The following CARHSP1 variants were observed in gnomAD, a reference collection of about 807,000 sequenced individuals.
The protein encoded by CARHSP1 is calcium regulated heat stable protein 1, also known as calcium-regulated heat-stable protein 1.
In CARHSP1, 14 loss-of-function variants were observed where a neutral mutation model predicts 12.5. The ratio of observed to expected loss-of-function variants is 1.12; its 90% CI spans 0.74 to 1.75. CARHSP1 has a LOEUF of 1.75. Among genes scored for constraint, CARHSP1 ranks in the 40% most tolerant of loss-of-function variants. CARHSP1 has a pLI of 0.00. For missense variants in CARHSP1, 343 were observed against 201.6 expected, an observed-to-expected ratio of 1.70 and a Z score of -4.25; for synonymous variants, 161 against 82.0, an observed-to-expected ratio of 1.96 and a Z score of -5.20.
At chr16:8,866,586 G>C (rs767163212) in intron 1 of CARHSP1, 23 of 360,114 alleles carry the variant, frequency 6.4e-5, no homozygotes, top group Admixed American at 1.3e-4. Flanking sequence ...GGAAGCGATA[G>C]AGGCCGAGAA....
intron 1 of CARHSP1, among the ~76,000 whole-genome samples, chr16:8,862,484 A>G (rs2061383717): frequency 1.3e-5 from 2 of 152,204 alleles, no homozygotes; most frequent in African/African-American, 4.8e-5. Context: ...ACTTGAAGCC[A>G]GAGAATAAAC....
At chr16:8,862,811 T>C (rs1439207005) in intron 1 of CARHSP1, among the ~76,000 whole-genome samples, 1 of 151,872 alleles carries the variant, frequency 6.6e-6, no homozygotes, top group Non-Finnish European at 1.5e-5. Flanking sequence ...TCATGCCGCG[T>C]CATCATCATC....
At chr16:8,860,814 GCAGAGGCAGGTGGATCAC>G (rs2061330546) in intron 1 of CARHSP1, among the ~76,000 whole-genome samples, 1 of 151,990 alleles carries the variant, frequency 6.6e-6, no homozygotes, top group African/African-American at 2.4e-5. Flanking sequence ...ACTTTGAGAG[GCAGAGGCAGGTGGATCAC>G]CTGAGGTCAG....
intron 1 of CARHSP1, chr16:8,860,065 G>C: frequency 1.1e-6 from 1 of 879,244 alleles, no homozygotes; most frequent in Non-Finnish European, 1.4e-6. Flanking sequence ...TGACGCTGCT[G>C]GGAGCCAGAC....
chr16:8,861,560 G>A, intron 1 of CARHSP1: 1 of 1,245,592 alleles, frequency 8.0e-7, no homozygotes, highest in Non-Finnish European at 1.1e-6. Flanking sequence ...TCCCTGAAAT[G>A]TCAGAACCCC....
intron 1 of CARHSP1, among the ~76,000 whole-genome samples, chr16:8,866,123 T>C (rs571211511): frequency 6.6e-6 from 1 of 152,206 alleles, no homozygotes; most frequent in Non-Finnish European, 1.5e-5. Context: ...CCAGCTAATT[T>C]TTTTATTTTT....
intron 1 of CARHSP1, among the ~76,000 whole-genome samples, chr16:8,864,224 C>T (rs12595938): frequency 0.13 from 19,665 of 152,198 alleles, 1,356 homozygotes; most frequent in East Asian, 0.2. Flanking sequence ...ACATGGCTGT[C>T]TCTGCATCTG....
At position 8,865,663 on chromosome 16, in the gene CARHSP1, A is replaced by G. The variant is rs147738215; in HGVS notation, c.-8+3303T>C. On this transcript the variant is annotated intron_variant, in intron 1 of 3. Transcript: ENST00000311052. ...GCAGGTGTGGTGGGTAGTGGCCCGC[A>G]CTATGGGGATGGGGCAGGCTGTAGT... is the stretch of plus-strand genomic sequence containing the variant. 1.4e-3 allele frequency among the ~76,000 whole-genome samples: 218 copies of G among 152,242 alleles called. 3 individuals carry two copies. The East Asian group carries it at 0.026, about 18-fold the overall frequency.
At chr16:8,866,715 G>T (rs538995528) in intron 1 of CARHSP1, among the ~76,000 whole-genome samples, 1 of 146,948 alleles carries the variant, frequency 6.8e-6, no homozygotes, top group South Asian at 2.3e-4. Context: ...GGAGGGACAC[G>T]AAGGGATGGG....
intron 1 of CARHSP1, chr16:8,860,233 A>AG (rs2061308837): frequency 1.0e-6 from 1 of 984,806 alleles, no homozygotes; most frequent in Non-Finnish European, 1.2e-6. Context: ...GAGAGCCCAA[A>AG]GGGAAAGGGA....
In CARHSP1 at chr16:8,854,132, C is replaced by G. The variant is rs1240688320; in HGVS notation, c.*1032G>C. ...TGTCGGCAGCAAAGTGCAAACAGAG[C>G]CGGCTCTGGGTGAAAGCTTTAGTTA... On this transcript the variant is annotated 3_prime_UTR_variant, in exon 4 of 4. Transcript: ENST00000311052. 6.6e-6 allele frequency: 1 copy of G among 151,974 alleles called. No homozygotes were observed. The highest frequency in any genetic ancestry group is 1.5e-5 in the Non-Finnish European group (1 of 67,996). 9.4% of individuals were successfully genotyped at this position (151,974 alleles called of 1,614,324 possible).
rs370114611 is a variant in CARHSP1, at chr16:8,856,922, ACACT to A, written c.281+1424_281+1427del. 5.0e-4 allele frequency among the ~76,000 whole-genome samples: 76 copies of A among 152,218 alleles called. 1 individual carries two copies. Among genetic ancestry groups the A allele is most frequent in the South Asian group, 5.0e-3 (24 of 4,818 alleles). On this transcript the variant is annotated intron_variant, in intron 3 of 3. Transcript: ENST00000311052. ...CCCCCGGCTCCCCAAGGGTTTTCAG[ACACT>A]CAGGAAGGAAGGACGTCAGTAAGCA...
chr16:8,855,009 C>CA lies in CARHSP1; in HGVS notation c.*154_*155insT. The CA allele has an allele frequency of 1.9e-6, 1 of 539,596 alleles. No homozygotes were observed. The highest frequency in any genetic ancestry group is 3.0e-6 in the Non-Finnish European group (1 of 328,140). 33.4% of individuals were successfully genotyped at this position (539,596 alleles called of 1,614,324 possible). On this transcript the variant is annotated 3_prime_UTR_variant, in exon 4 of 4. Transcript: ENST00000311052. ...GCCGGGAACACCCCACACCCCACAC[C>CA]TGCCCCCCATACCCCTTCCTCCAGG...
intron 1 of CARHSP1, chr16:8,868,236 A>C (rs2061480254): frequency 1.3e-5 from 2 of 152,286 alleles, no homozygotes; most frequent in Middle Eastern, 3.4e-3. Context: ...CTCCCCCAGC[A>C]CACACATCCA....
intron 3 of CARHSP1, among the ~76,000 whole-genome samples, chr16:8,856,269 C>T (rs2061102562): frequency 1.3e-5 from 2 of 152,142 alleles, no homozygotes; most frequent in African/African-American, 4.8e-5. Context: ...ATGAAACCCC[C>T]CCAGAGGAAA....
intron 3 of CARHSP1, 140 bp downstream of exon 3, chr16:8,858,210 C>G (rs539183725): frequency 6.9e-6 from 7 of 1,018,174 alleles, no homozygotes; most frequent in Non-Finnish European, 9.9e-6. Flanking sequence ...AGCTGGAGCA[C>G]CAGCCACAGG....
chr16:8,868,599 C>G (rs2061485311), intron 1 of CARHSP1: 1 of 151,582 alleles, frequency 6.6e-6, no homozygotes, highest in Non-Finnish European at 1.5e-5. Context: ...CGACGCCCCC[C>G]GCGCCTCGCC....
chr16:8,855,240 G>T lies in CARHSP1; in HGVS notation c.368C>A (p.Ala123Asp). Reference protein sequence around the residue: ...SIPPKNEKLQAVEVVITHLAP... With the variant: ...SIPPKNEKLQDVEVVITHLAP... ...CAGGTGAGTGATGACGACCTCCACG[G>T]CCTGCAGCTTCTCATTCTTGGGTGG... Residue 123 changes from alanine (A) to aspartate (D), a missense_variant, in exon 4 of 4, where the codon GCC (alanine) becomes GAC (aspartate). By Grantham distance (126) the Ala-to-Asp change is moderately radical. Transcript: ENST00000311052. The T allele has an allele frequency of 6.2e-7, 1 of 1,613,172 alleles. No individual in the cohort carries two copies. The highest frequency in any genetic ancestry group is 8.5e-7 in the Non-Finnish European group (1 of 1,179,472).
intron 1 of CARHSP1, chr16:8,861,496 A>C: frequency 3.9e-6 from 3 of 772,582 alleles, no homozygotes; most frequent in Non-Finnish European, 3.7e-6. Flanking sequence ...ACCGCCTTCA[A>C]GCATAGCCAC....
Sources: allele counts gnomAD v4.1 joint callset (sites outside exome capture counted in the v4.1 genomes callset), GRCh38; gene constraint gnomAD v4.1.1; transcripts MANE v1.5; gene names NCBI Gene and HGNC (gene_info 2026-07-23, HGNC 2026-07-21).